The following USH2A variants were observed in gnomAD, a reference collection of about 807,000 sequenced individuals.
The protein encoded by USH2A is Usher syndrome 2A (autosomal recessive, mild).
In USH2A, 443 loss-of-function variants were observed where a neutral mutation model predicts 538.9. That is an observed-to-expected ratio of 0.82 (90% CI 0.76 to 0.89). The LOEUF (loss-of-function observed/expected upper bound fraction) is 0.89, where lower values mean the gene tolerates loss of function less well. Ranked by LOEUF, USH2A falls within the 40% of genes least tolerant of loss-of-function variation. The probability of loss-of-function intolerance (pLI) is 0.00; values close to 1 mark genes in which losing one functional copy is unlikely to be tolerated. For synonymous variants in USH2A, 2,413 were observed against 2,273.5 expected, an observed-to-expected ratio of 1.06 and a Z score of -1.75; for missense variants, 6,633 against 6,324.8, an observed-to-expected ratio of 1.05 and a Z score of -1.65.
chr1:216,365,050 G>C lies in USH2A; in HGVS notation c.687C>G (p.Gly229=), dbSNP rs766740504. 2 of 1,613,254 alleles carry C rather than the reference G, an allele frequency of 1.2e-6. No individual in the cohort carries two copies. Among genetic ancestry groups the C allele is most frequent in the Non-Finnish European group, 8.5e-7 (1 of 1,179,504 alleles). ...HQTKISFFIN[G]VEKDHTPFNA... The stretch of plus-strand genomic sequence containing the variant: ...TGAAAGGTGTATGATCCTTCTCCAC[G>C]CCATTGATAAAGAAGCTGATTTTTG... The change falls in exon 4 of 72, where the codon GGC becomes GGG. Residue 229 remains glycine, a synonymous_variant. Transcript: ENST00000307340.
At chr1:216,281,808 G>A (rs1181827284) in intron 11 of USH2A, among the ~76,000 whole-genome samples, 1 of 150,552 alleles carries the variant, frequency 6.6e-6, no homozygotes, top group Admixed American at 6.6e-5. Flanking sequence ...ATTCTCACAG[G>A]CAGCCTATGA....
In USH2A at chr1:216,421,856, C is replaced by G. The variant is rs749847721; in HGVS notation, c.481G>C (p.Val161Leu). 6.2e-7 allele frequency: 1 copy of G among 1,613,908 alleles called. No individual in the cohort carries two copies. The highest frequency in any genetic ancestry group is 1.7e-5 in the Admixed American group (1 of 59,984). ...AVWLKPEQQG[V>L]MCVIEKTVDG... ...TATACCTACACTACTACTTACATTA[C>G]ACCTTGTTGCTCAGGTTTCAGCCAT... Residue 161 changes from valine (V) to leucine (L), a missense_variant, in exon 2 of 72, where the codon GTA (valine) becomes CTA (leucine). Val to Leu is a conservative substitution (Grantham distance 32, BLOSUM62 1). Transcript: ENST00000307340.
chr1:215,965,962 C>CAT (rs1553282015), intron 36 of USH2A, among the ~76,000 whole-genome samples: 2 of 150,386 alleles, frequency 1.3e-5, no homozygotes, highest in African/African-American at 4.9e-5. Flanking sequence ...CACACACACA[C>CAT]GCATGCATAC....
intron 69 of USH2A, among the ~76,000 whole-genome samples, chr1:215,638,913 G>A (rs1456395624): frequency 1.3e-5 from 2 of 151,556 alleles, no homozygotes; most frequent in Admixed American, 6.6e-5. Context: ...AGGAGGTGGA[G>A]GTTTCAGTGA....
rs150947962 is a variant in USH2A, at chr1:215,993,092, G to A, written c.6733C>T (p.Pro2245Ser). ...GAATATGAGTGGGCTTTGGGGGCTGGCACGCCTTCGGGTATGTCCTCGTCA... is the reference window on the plus strand; with the variant it reads ...GAATATGAGTGGGCTTTGGGGGCTGACACGCCTTCGGGTATGTCCTCGTCA... ...LTDEDIPEGV[P>S]APKAHSYSPD... is the part of the protein sequence containing the mutation. Residue 2245 changes from proline to serine, a missense_variant, in exon 35 of 72, where the codon CCA becomes TCA. Pro to Ser is a moderately conservative substitution (Grantham distance 74, BLOSUM62 -1). Coordinates refer to ENST00000307340, the MANE Select transcript of USH2A (RefSeq NM_206933.4). 1 of 1,614,042 alleles carries A rather than the reference G, an allele frequency of 6.2e-7. No homozygotes were observed.
chr1:215,741,000 C>T (rs899811399), intron 60 of USH2A, among the ~76,000 whole-genome samples: 10 of 152,150 alleles, frequency 6.6e-5, no homozygotes, highest in Non-Finnish European at 8.8e-5. Context: ...CTGTGTGGCC[C>T]GGTTCCTAAC....
chr1:215,931,018 G>A (rs1354902446), intron 38 of USH2A, among the ~76,000 whole-genome samples: 1 of 151,802 alleles, frequency 6.6e-6, no homozygotes, highest in East Asian at 1.9e-4. Flanking sequence ...TATAGTAATT[G>A]TAGAAATACA....
chr1:216,107,068 A>T (rs2102582189), intron 21 of USH2A, among the ~76,000 whole-genome samples: 1 of 152,012 alleles, frequency 6.6e-6, no homozygotes, highest in East Asian at 1.9e-4. Context: ...ATACTTTCAA[A>T]TATACATACT....
At chr1:216,226,363 C>G (rs2035561761) in intron 14 of USH2A, among the ~76,000 whole-genome samples, 1 of 152,154 alleles carries the variant, frequency 6.6e-6, no homozygotes, top group Non-Finnish European at 1.5e-5. Flanking sequence ...AGTCAACATT[C>G]CAATCTTTAT....
intron 35 of USH2A, among the ~76,000 whole-genome samples, chr1:215,981,038 T>G (rs1381643397): frequency 2.0e-5 from 3 of 152,206 alleles, no homozygotes; most frequent in Non-Finnish European, 4.4e-5. Context: ...ATGTCAATTC[T>G]AGTGTACATG....
chr1:216,408,980 A>G (rs1236992078), intron 3 of USH2A, among the ~76,000 whole-genome samples: 1 of 152,162 alleles, frequency 6.6e-6, no homozygotes, highest in Non-Finnish European at 1.5e-5. Context: ...GAAATTTTCC[A>G]TTTGATATTT....
intron 16 of USH2A, among the ~76,000 whole-genome samples, chr1:216,202,702 TG>T (rs2035026737): frequency 6.6e-6 from 1 of 152,218 alleles, no homozygotes; most frequent in African/African-American, 2.4e-5. Flanking sequence ...TACATGGAAC[TG>T]CCCATGATTG....
chr1:216,039,709 T>A (rs2030177440), intron 32 of USH2A, among the ~76,000 whole-genome samples: 1 of 151,950 alleles, frequency 6.6e-6, no homozygotes, highest in Non-Finnish European at 1.5e-5. Context: ...ATTTGTAGAG[T>A]GCTGATAAGG....
chr1:215,773,664 A>G (rs4523495), intron 55 of USH2A, among the ~76,000 whole-genome samples: 127,179 of 151,962 alleles, frequency 0.84, 53,693 homozygotes, highest in African/African-American at 0.95. Flanking sequence ...CGAGCCCCAG[A>G]GTATATACCC....
chr1:216,157,901 A>G (rs1039857103), intron 21 of USH2A, among the ~76,000 whole-genome samples: 12 of 152,148 alleles, frequency 7.9e-5, no homozygotes, highest in African/African-American at 2.9e-4. Context: ...GCGTCATGCA[A>G]TATAGCCAAG....
intron 61 of USH2A, among the ~76,000 whole-genome samples, chr1:215,690,860 C>G (rs545822219): frequency 6.6e-6 from 1 of 152,228 alleles, no homozygotes; most frequent in South Asian, 2.1e-4. Context: ...CATACTTTCC[C>G]ACTCTCAGCA....
At chr1:215,729,245 C>T (rs1368388638) in intron 60 of USH2A, among the ~76,000 whole-genome samples, 1 of 152,166 alleles carries the variant, frequency 6.6e-6, no homozygotes, top group Admixed American at 6.5e-5. Context: ...TCCACAGTTC[C>T]TATTTTCTCT....
chr1:216,251,472 A>T (rs550805253), intron 11 of USH2A, among the ~76,000 whole-genome samples: 144 of 61,902 alleles, frequency 2.3e-3, no homozygotes, highest in Non-Finnish European at 3.8e-3. Context: ...TTTTTTTGAG[A>T]TGGAGTCTCG....
chr1:216,059,155 A>G (rs1202560942), intron 30 of USH2A, among the ~76,000 whole-genome samples: 2 of 152,228 alleles, frequency 1.3e-5, no homozygotes, highest in South Asian at 2.1e-4. Flanking sequence ...TATATAATAT[A>G]TGAACGTACA....
Sources: allele counts gnomAD v4.1 joint callset (sites outside exome capture counted in the v4.1 genomes callset), GRCh38; gene constraint gnomAD v4.1.1; transcripts MANE v1.5; gene names NCBI Gene and HGNC (gene_info 2026-07-23, HGNC 2026-07-21).